DISP3: variants seen among roughly 807,000 people sequenced by gnomAD.
DISP3 encodes the protein dispatched RND transporter family member 3.
In DISP3, 101 loss-of-function variants were observed where a neutral mutation model predicts 135.3. The observed-to-expected ratio is 0.75, with a 90% CI of 0.64 to 0.88. The LOEUF (loss-of-function observed/expected upper bound fraction) is 0.88. Among genes scored for constraint, DISP3 ranks in the 40% least tolerant of loss-of-function variants. The pLI, the probability that DISP3 is intolerant of heterozygous loss-of-function variation, is 0.00. For synonymous variants in DISP3, 856 were observed against 817.0 expected (o/e 1.05, Z -0.81); for missense variants, 1,713 against 1,878.6 (o/e 0.91, Z 1.63).
At chr1:11,486,606 G>T (rs1242672296) in intron 1 of DISP3, among the ~76,000 whole-genome samples, 2 of 152,206 alleles carry the variant, frequency 1.3e-5, no homozygotes, top group Non-Finnish European at 2.9e-5. Flanking sequence ...TAATGAACAT[G>T]CGAATAGATC....
chr1:11,517,684 C>T, intron 7 of DISP3, 82 bp downstream of exon 7: 20 of 1,521,350 alleles, frequency 1.3e-5, no homozygotes, highest in Non-Finnish European at 1.8e-5. Flanking sequence ...ACCTCTCTTC[C>T]AAAAGCCTTC....
chr1:11,519,323 T>G lies in DISP3; in HGVS notation c.1890-32T>G. 4 of 1,604,598 alleles carry G rather than the reference T, an allele frequency of 2.5e-6. No homozygotes were observed. Among genetic ancestry groups the G allele is most frequent in the Non-Finnish European group, 2.6e-6 (3 of 1,173,608 alleles). On this transcript the variant is annotated intron_variant, in intron 7 of 20. Coordinates refer to ENST00000294484, the MANE Select transcript of DISP3 (RefSeq NM_020780.2). This position sits in a 1 kb window ranked among gnomAD's most constrained non-coding sequence, Gnocchi z 4.3. ...CCCTCCCTGGGTACCCAGGACCCTCTGGTTCACCCCTGTCCCCTACTCTCT... is the reference window on the plus strand; with the variant it reads ...CCCTCCCTGGGTACCCAGGACCCTCGGGTTCACCCCTGTCCCCTACTCTCT...
chr1:11,532,151 G>A (rs747583132), intron 17 of DISP3, among the ~76,000 whole-genome samples: 1 of 152,186 alleles, frequency 6.6e-6, no homozygotes. Flanking sequence ...ACCTCTGGAC[G>A]CTCGCTGGGC....
At position 11,520,975 on chromosome 1, in the gene DISP3, T is replaced by C. The variant is rs1642170991; in HGVS notation, c.2362+127T>C. Reference sequence around the variant, plus strand: ...ACCTCAGGCAAATCCCACTCCCCTCTGAGCCCCCATGTTCCCACAGTTCAT... The same window carrying C: ...ACCTCAGGCAAATCCCACTCCCCTCCGAGCCCCCATGTTCCCACAGTTCAT... On this transcript the variant is annotated intron_variant, in intron 10 of 20. Transcript: ENST00000294484. The surrounding 1 kb of genome is among the most constrained non-coding windows in gnomAD (Gnocchi z 4.8). 1.7e-6 allele frequency: 2 copies of C among 1,146,972 alleles called. No individual in the cohort carries two copies. The highest frequency in any genetic ancestry group is 3.3e-5 in the South Asian group (2 of 60,890). The allele number at this position is 1,146,972 out of a possible 1,614,324, so 71.0% of individuals were successfully genotyped here.
At chr1:11,522,551 GACCCA>G in intron 10 of DISP3, among the ~76,000 whole-genome samples, 1 of 149,762 alleles carries the variant, frequency 6.7e-6, no homozygotes. Context: ...GCCCAGCCAG[GACCCA>G]GCCAGAGCCC....
chr1:11,503,521 A>G (rs1025367747), intron 3 of DISP3, among the ~76,000 whole-genome samples: 1 of 152,094 alleles, frequency 6.6e-6, no homozygotes, highest in Non-Finnish European at 1.5e-5. Flanking sequence ...AAGGCCAGAG[A>G]GCGTAGAGTT....
chr1:11,535,999 C>T (rs1043115704), intron 20 of DISP3, among the ~76,000 whole-genome samples: 8 of 152,218 alleles, frequency 5.3e-5, no homozygotes, highest in Admixed American at 5.2e-4. Context: ...TTGGTGAGGA[C>T]ATGTTCACAT....
In DISP3 at chr1:11,502,862, C is replaced by A. The variant is rs1485293706; in HGVS notation, c.1281C>A (p.Val427=). 1.2e-6 allele frequency: 2 copies of A among 1,614,062 alleles called. No homozygotes were observed. Among genetic ancestry groups the A allele is most frequent in the Non-Finnish European group, 1.7e-6 (2 of 1,179,970 alleles). The change falls in exon 3 of 21, where the codon GTC becomes GTA. Residue 427 remains valine (V), a synonymous_variant. Coordinates refer to ENST00000294484, the MANE Select transcript of DISP3 (RefSeq NM_020780.2). ...EQRAKFQSFV[V]TYVAMLAKQS... is the part of the protein sequence containing the mutation. ...GGGCTAAGTTTCAGAGCTTCGTGGT[C>A]ACCTACGTGGCCATGCTGGCCAAGC...
chr1:11,505,425 G>A (rs1450347424), intron 3 of DISP3, among the ~76,000 whole-genome samples: 1 of 152,196 alleles, frequency 6.6e-6, no homozygotes. Context: ...GACTTTCACG[G>A]TTTTAGGTAC....
At chr1:11,524,438 TC>T (rs1291160163) in intron 11 of DISP3, among the ~76,000 whole-genome samples, 3 of 151,972 alleles carry the variant, frequency 2.0e-5, no homozygotes, top group Non-Finnish European at 4.4e-5. Flanking sequence ...GCTGTGTCTG[TC>T]CCTGTCACCC....
chr1:11,510,393 A>G (rs1641825627), intron 3 of DISP3, among the ~76,000 whole-genome samples: 1 of 152,100 alleles, frequency 6.6e-6, no homozygotes, highest in African/African-American at 2.4e-5. Context: ...TGTATCTTCA[A>G]ATGATAGTAT....
intron 15 of DISP3, among the ~76,000 whole-genome samples, chr1:11,530,269 C>T (rs1642542592): frequency 6.6e-6 from 1 of 152,236 alleles, no homozygotes; most frequent in Non-Finnish European, 1.5e-5. Context: ...CCTCCCCCTT[C>T]CTCTGAGCTC....
rs775852294 is a variant in DISP3 at position 11,483,770 on chromosome 1, G to A, written c.-4+4398G>A. ...ATGGCTGGGCCGGAGCTGAGTCCCCGTGAGAGTCTGGAATGGGACTCAAGC... is the reference window on the plus strand; with the variant it reads ...ATGGCTGGGCCGGAGCTGAGTCCCCATGAGAGTCTGGAATGGGACTCAAGC... On this transcript the variant is annotated intron_variant, in intron 1 of 20. Coordinates refer to ENST00000294484, the MANE Select transcript of DISP3 (RefSeq NM_020780.2). The surrounding 1 kb of genome is among the most constrained non-coding windows in gnomAD (Gnocchi z 5.4). Among the ~76,000 whole-genome samples the A allele has an allele frequency of 2.6e-5, 4 of 152,206 alleles. No homozygotes were observed. Among genetic ancestry groups the A allele is most frequent in the African/African-American group, 4.8e-5 (2 of 41,442 alleles).
intron 10 of DISP3, among the ~76,000 whole-genome samples, chr1:11,522,617 G>T (rs866329342): frequency 8.8e-6 from 1 of 113,080 alleles, no homozygotes; most frequent in Non-Finnish European, 1.8e-5. Context: ...GCCCAGCCAG[G>T]ACCCAGCCAG....
In DISP3 at chr1:11,536,419, A is replaced by T; in HGVS notation, c.3912A>T (p.Thr1304=). The change falls in exon 21 of 21, where the codon ACA becomes ACT. Residue 1304 remains threonine (T), a synonymous_variant. Coordinates refer to ENST00000294484, the MANE Select transcript of DISP3 (RefSeq NM_020780.2). This position sits in a 1 kb window ranked among gnomAD's most constrained non-coding sequence, Gnocchi z 4.3. ...GTGCCCTCACCACGGTCATCGCCAC[A>T]GTGCCCCTCTTCTTCTGCATCATCG... is the stretch of plus-strand genomic sequence containing the variant. The part of the protein sequence containing the change: ...VSSALTTVIA[T]VPLFFCIIAP... The T allele has an allele frequency of 6.2e-7, 1 of 1,613,174 alleles. No individual in the cohort carries two copies. Among genetic ancestry groups the T allele is most frequent in the Non-Finnish European group, 8.5e-7 (1 of 1,179,978 alleles).
chr1:11,490,717 G>T (rs566848014), intron 1 of DISP3, among the ~76,000 whole-genome samples: 1 of 152,296 alleles, frequency 6.6e-6, no homozygotes, highest in East Asian at 1.9e-4. Context: ...AGGGTTAGTC[G>T]GGTGGAATTC....
At chr1:11,535,881 C>T (rs559771668) in intron 20 of DISP3, among the ~76,000 whole-genome samples, 2 of 152,220 alleles carry the variant, frequency 1.3e-5, no homozygotes, top group Non-Finnish European at 1.5e-5. Context: ...GTTGGACAGA[C>T]GCAGGATTCC....
At chr1:11,514,366 T>C (rs757714140) in intron 3 of DISP3, 24 bp from the exon 4 acceptor site, 12 of 1,593,800 alleles carry the variant, frequency 7.5e-6, no homozygotes, top group Non-Finnish European at 1.0e-5. Flanking sequence ...GTCATTCTTT[T>C]CTCCACGTCC....
intron 11 of DISP3, among the ~76,000 whole-genome samples, chr1:11,524,559 T>A (rs1642351584): frequency 6.6e-6 from 1 of 151,840 alleles, no homozygotes; most frequent in African/African-American, 2.4e-5. Context: ...ACCTCCGCTA[T>A]CTAGTCCACC....
Sources: allele counts gnomAD v4.1 joint callset (sites outside exome capture counted in the v4.1 genomes callset), GRCh38; gene constraint gnomAD v4.1.1; non-coding constraint Gnocchi (gnomAD v3.1); transcripts MANE v1.5; gene names NCBI Gene and HGNC (gene_info 2026-07-23, HGNC 2026-07-21).